The following GRK5 variants were observed in gnomAD, a reference collection of about 807,000 sequenced individuals.
GRK5 encodes the protein G protein-coupled receptor kinase 5.
Under a neutral mutation model 78.4 loss-of-function variants are expected in GRK5, and 40 were observed. That is an observed-to-expected ratio of 0.51 (90% CI 0.40 to 0.66). The LOEUF (loss-of-function observed/expected upper bound fraction) is 0.66, where lower values mean the gene tolerates loss of function less well. Ranked by LOEUF, GRK5 falls within the 30% of genes least tolerant of loss-of-function variation. GRK5 has a pLI of 0.00. For missense variants in GRK5, 598 were observed against 759.9 expected (o/e 0.79, Z 2.50); for synonymous variants, 289 against 296.8 (o/e 0.97, Z 0.27).
chr10:119,210,136 C>T (rs1003186017), intron 1 of GRK5, among the ~76,000 whole-genome samples: 1 of 152,034 alleles, frequency 6.6e-6, no homozygotes, highest in Non-Finnish European at 1.5e-5. Context: ...AAGAATGTGC[C>T]TTTCACTTTT....
At position 119,207,739 on chromosome 10, in the gene GRK5, C is replaced by T. The variant is rs922614989; in HGVS notation, c.-179C>T. The T allele has an allele frequency of 1.7e-5, 10 of 592,068 alleles. No individual in the cohort carries two copies. Among genetic ancestry groups the T allele is most frequent in the Non-Finnish European group, 2.8e-5 (10 of 355,556 alleles). The allele number at this position is 592,068 out of a possible 1,614,324, so 36.7% of individuals were successfully genotyped here. A position where few individuals can be genotyped will look rare whatever the true frequency, so the allele number is the denominator to read the frequency against. On this transcript the variant is annotated 5_prime_UTR_variant, in exon 1 of 16. Transcript: ENST00000392870. The stretch of plus-strand genomic sequence containing the variant: ...GGCGGCGGCGGCGGCGGCGGCTCCT[C>T]TTTGCAGAGGGGGAAACTCTTGGGC...
intron 2 of GRK5, among the ~76,000 whole-genome samples, chr10:119,365,786 G>A (rs112833634): frequency 2.0e-3 from 303 of 152,274 alleles, no homozygotes; most frequent in African/African-American, 7.0e-3. Flanking sequence ...AGGCTCTGGC[G>A]TTATTGGGCC....
rs1240647374 is a variant in GRK5 at position 119,207,579 on chromosome 10, C to CCGAG, written c.-338_-335dup. 89 of 273,980 alleles carry CCGAG rather than the reference C, an allele frequency of 3.2e-4. No homozygotes were observed. Among genetic ancestry groups the CCGAG allele is most frequent in the African/African-American group, 2.1e-3 (89 of 41,762 alleles). 17.0% of individuals were successfully genotyped at this position (273,980 alleles called of 1,614,324 possible). On this transcript the variant is annotated 5_prime_UTR_variant, in exon 1 of 16. Coordinates refer to ENST00000392870, the MANE Select transcript of GRK5 (RefSeq NM_005308.3). The stretch of plus-strand genomic sequence containing the variant: ...AGGGACTGAGGGGAGGCAGAAGCAT[C>CCGAG]CGAGGCATTAAAGCATCCGAGGGAG...
chr10:119,232,476 G>C (rs988813372), intron 1 of GRK5, among the ~76,000 whole-genome samples: 4 of 152,164 alleles, frequency 2.6e-5, no homozygotes, highest in Non-Finnish European at 4.4e-5. Flanking sequence ...GGAGGATATT[G>C]AATGTTCCTA....
At chr10:119,443,799 T>A (rs1853088088) in intron 12 of GRK5, 47 bp downstream of exon 12, 1 of 1,485,220 alleles carries the variant, frequency 6.7e-7, no homozygotes, top group Admixed American at 1.9e-5. Context: ...GTGGCTCCCC[T>A]CCCTGGGCCT....
At chr10:119,287,229 G>A (rs374579808) in intron 1 of GRK5, among the ~76,000 whole-genome samples, 2 of 100,628 alleles carry the variant, frequency 2.0e-5, no homozygotes, top group Admixed American at 2.1e-4. Flanking sequence ...AAGGAAGGGA[G>A]GGAGAGAGGG....
intron 4 of GRK5, among the ~76,000 whole-genome samples, chr10:119,422,210 G>A (rs1351515422): frequency 6.6e-6 from 1 of 152,056 alleles, no homozygotes; most frequent in Non-Finnish European, 1.5e-5. Context: ...GGAGGGGGTG[G>A]GTAAGGCCTG....
At position 119,455,007 on chromosome 10, in the gene GRK5, C is replaced by T. The variant is rs777890963; in HGVS notation, c.1713C>T (p.Thr571=). The change falls in exon 16 of 16, where the codon ACC becomes ACT. Residue 571 remains threonine, a synonymous_variant. Coordinates refer to ENST00000392870, the MANE Select transcript of GRK5 (RefSeq NM_005308.3). ...NNSKSSPSSK[T]SFNHHINSNH... ...CCAAGAGTTCGCCCAGCTCCAAGAC[C>T]AGTTTTAACCACCACATAAACTCAA... is the stretch of plus-strand genomic sequence containing the variant. The T allele has an allele frequency of 1.9e-6, 3 of 1,614,038 alleles. No individual in the cohort carries two copies. In the African/African-American group the frequency reaches 4.0e-5, roughly 22 times the overall value.
At chr10:119,227,096 T>G (rs964983507) in intron 1 of GRK5, among the ~76,000 whole-genome samples, 4 of 152,120 alleles carry the variant, frequency 2.6e-5, no homozygotes, top group African/African-American at 9.7e-5. Flanking sequence ...TCTCAGGTGA[T>G]CCGCCCTCCT....
rs965926544 is a variant in GRK5, at chr10:119,436,926, A to C, written c.929+85A>C. ...CCACACCCTCGGGCAGGTGGTTGCCATCGCTCTGGGAATCAGCCCTGGTCA... is the reference window on the plus strand; with the variant it reads ...CCACACCCTCGGGCAGGTGGTTGCCCTCGCTCTGGGAATCAGCCCTGGTCA... On this transcript the variant is annotated intron_variant, in intron 9 of 15. Coordinates refer to ENST00000392870, the MANE Select transcript of GRK5 (RefSeq NM_005308.3). 1.2e-5 allele frequency: 16 copies of C among 1,288,996 alleles called. 1 individual carries two copies. Among genetic ancestry groups the C allele is most frequent in the East Asian group, 7.4e-5 (3 of 40,326 alleles). 79.8% of individuals were successfully genotyped at this position (1,288,996 alleles called of 1,614,324 possible).
chr10:119,239,389 C>T (rs924720604), intron 1 of GRK5, among the ~76,000 whole-genome samples: 5 of 152,030 alleles, frequency 3.3e-5, no homozygotes, highest in South Asian at 2.1e-4. Context: ...CACCTGCCAC[C>T]GTACTTGACT....
chr10:119,295,124 A>C (rs1309944949), intron 1 of GRK5, among the ~76,000 whole-genome samples: 1 of 145,228 alleles, frequency 6.9e-6, no homozygotes, highest in Non-Finnish European at 1.5e-5. Flanking sequence ...TGGGAGGCGG[A>C]GGTTGCAGTG....
intron 1 of GRK5, among the ~76,000 whole-genome samples, chr10:119,308,804 C>T (rs1353713432): frequency 6.6e-6 from 1 of 152,248 alleles, no homozygotes; most frequent in Non-Finnish European, 1.5e-5. Context: ...GGAGGAGGAT[C>T]TTAGTGTTAG....
intron 1 of GRK5, among the ~76,000 whole-genome samples, chr10:119,299,156 C>T (rs1042118713): frequency 6.6e-6 from 1 of 152,166 alleles, no homozygotes; most frequent in African/African-American, 2.4e-5. Flanking sequence ...TTGAAATTAT[C>T]TTTCGGCCAG....
intron 6 of GRK5, among the ~76,000 whole-genome samples, chr10:119,425,856 G>A (rs1415865606): frequency 6.6e-6 from 1 of 152,276 alleles, no homozygotes; most frequent in Non-Finnish European, 1.5e-5. Flanking sequence ...TGACAGATGA[G>A]GAAGCAGAAC....
At chr10:119,356,939 C>T (rs1851270774) in intron 2 of GRK5, among the ~76,000 whole-genome samples, 1 of 152,254 alleles carries the variant, frequency 6.6e-6, no homozygotes, top group Admixed American at 6.5e-5. Flanking sequence ...CTGACCAGTG[C>T]TGAGCTATCT....
At chr10:119,312,174 C>A (rs112845805) in intron 1 of GRK5, among the ~76,000 whole-genome samples, 1 of 152,320 alleles carries the variant, frequency 6.6e-6, no homozygotes, top group South Asian at 2.1e-4. Flanking sequence ...CCTCGGCCTC[C>A]CAAAGTGCTG....
chr10:119,327,113 G>A (rs559309005), intron 2 of GRK5, among the ~76,000 whole-genome samples: 65 of 151,944 alleles, frequency 4.3e-4, no homozygotes, highest in Non-Finnish European at 8.4e-4. Flanking sequence ...GTGGGGTGAG[G>A]TGGGGGAGGT....
chr10:119,311,668 C>T (rs1430016495), intron 1 of GRK5, among the ~76,000 whole-genome samples: 2 of 151,734 alleles, frequency 1.3e-5, no homozygotes, highest in Non-Finnish European at 2.9e-5. Flanking sequence ...CACCTGTAGT[C>T]CCAGCTACTC....
Sources: gnomAD v4.1 joint callset for allele counts (sites outside exome capture counted in the v4.1 genomes callset) on GRCh38, gnomAD v4.1.1 for gene constraint, MANE v1.5 for transcripts, NCBI Gene and HGNC (gene_info 2026-07-23, HGNC 2026-07-21) for gene names.